The following SGCZ variants were observed in gnomAD, a reference collection of about 807,000 sequenced individuals.
SGCZ encodes sarcoglycan zeta, also known as zeta-sarcoglycan.
A neutral mutation model predicts 41.3 loss-of-function variants in SGCZ; 40 were observed. The ratio of observed to expected loss-of-function variants is 0.97; its 90% CI spans 0.75 to 1.26. The LOEUF (loss-of-function observed/expected upper bound fraction) is 1.26. SGCZ is among the 50% of genes most tolerant of loss of function. The pLI, the probability that SGCZ is intolerant of heterozygous loss-of-function variation, is 0.00. For synonymous variants in SGCZ, 206 were observed against 137.5 expected (o/e 1.50, Z -3.49); for missense variants, 552 against 369.8 (o/e 1.49, Z -4.04).
chr8:14,719,683 C>T (rs927433032), intron 1 of SGCZ, among the ~76,000 whole-genome samples: 47 of 151,794 alleles, frequency 3.1e-4, no homozygotes, highest in Middle Eastern at 3.4e-3. Context: ...TGTCCTTTGC[C>T]CACTTTTTGA....
chr8:14,796,390 A>G (rs1801130976), intron 1 of SGCZ, among the ~76,000 whole-genome samples: 3 of 151,918 alleles, frequency 2.0e-5, no homozygotes, highest in African/African-American at 7.3e-5. Flanking sequence ...AGTTGCTGGT[A>G]TTACAGGTGT....
At chr8:15,116,317 G>A (rs1360746395) in intron 1 of SGCZ, among the ~76,000 whole-genome samples, 1 of 152,152 alleles carries the variant, frequency 6.6e-6, no homozygotes, top group East Asian at 1.9e-4. Flanking sequence ...CATCAAATGG[G>A]TTATTATGAA....
At chr8:14,613,521 T>C (rs563966576) in intron 1 of SGCZ, among the ~76,000 whole-genome samples, 1 of 152,258 alleles carries the variant, frequency 6.6e-6, no homozygotes, top group African/African-American at 2.4e-5. Flanking sequence ...CTCTTGCAAA[T>C]AGTATTTTGT....
rs367743814 is a variant in SGCZ, at chr8:15,012,645, T to TATA, written c.39+224937_39+224939dup. Among the ~76,000 whole-genome samples, 7 of 120,868 alleles carry TATA rather than the reference T, an allele frequency of 5.8e-5. No homozygotes were observed. The East Asian group carries it at 1.5e-3, about 25-fold the overall frequency. The allele number at this position is 120,868 out of a possible 152,430, so 79.3% of individuals were successfully genotyped here. On this transcript the variant is annotated intron_variant, in intron 1 of 7. Coordinates refer to ENST00000382080, the MANE Select transcript of SGCZ (RefSeq NM_139167.4). ...TATATAATATATAAACATATAAAAC[T>TATA]ATATATAATATATAATATATATTTA... is the stretch of plus-strand genomic sequence containing the variant.
chr8:14,709,411 T>G (rs1809442009), intron 1 of SGCZ, among the ~76,000 whole-genome samples: 1 of 152,162 alleles, frequency 6.6e-6, no homozygotes, highest in Admixed American at 6.5e-5. Flanking sequence ...CAACAAACAT[T>G]TAATTTAGTC....
intron 2 of SGCZ, among the ~76,000 whole-genome samples, chr8:14,501,340 T>A (rs542988507): frequency 1.3e-5 from 2 of 152,080 alleles, no homozygotes; most frequent in Admixed American, 6.6e-5. Context: ...CATTTCCCTT[T>A]CGCCAAATAA....
chr8:15,025,752 GA>G (rs777949445), intron 1 of SGCZ, among the ~76,000 whole-genome samples: 6 of 152,110 alleles, frequency 3.9e-5, no homozygotes, highest in Non-Finnish European at 8.8e-5. Context: ...TATGAGATTG[GA>G]AATTAGTGAG....
intron 2 of SGCZ, among the ~76,000 whole-genome samples, chr8:14,344,879 T>C (rs1308497518): frequency 6.6e-6 from 1 of 152,016 alleles, no homozygotes; most frequent in East Asian, 1.9e-4. Flanking sequence ...GAACGTGAAG[T>C]AATGAGAATT....
intron 1 of SGCZ, among the ~76,000 whole-genome samples, chr8:14,961,177 A>C (rs1800954358): frequency 6.6e-6 from 1 of 152,124 alleles, no homozygotes; most frequent in Admixed American, 6.6e-5. Flanking sequence ...GAGCTTAAAC[A>C]ATCTGCTGAC....
intron 3 of SGCZ, among the ~76,000 whole-genome samples, chr8:14,280,717 G>A (rs1368036700): frequency 6.6e-6 from 1 of 151,180 alleles, no homozygotes; most frequent in Non-Finnish European, 1.5e-5. Context: ...AATTGACTTT[G>A]GACATCTTTC....
At chr8:15,151,117 G>A (rs1213549648) in intron 1 of SGCZ, among the ~76,000 whole-genome samples, 1 of 152,206 alleles carries the variant, frequency 6.6e-6, no homozygotes, top group Non-Finnish European at 1.5e-5. Context: ...TCGGAGGATG[G>A]AGGCTGTCTA....
chr8:14,316,465 G>A lies in SGCZ; in HGVS notation c.336+7638C>T, dbSNP rs6990042. ...TACAAATATGTGAAAAAACATAATAGGCCTGACTCAACTGTAATTTACATG... is the reference window on the plus strand; with the variant it reads ...TACAAATATGTGAAAAAACATAATAAGCCTGACTCAACTGTAATTTACATG... On this transcript the variant is annotated intron_variant, in intron 3 of 7. Transcript: ENST00000382080. 5.3e-5 allele frequency among the ~76,000 whole-genome samples: 8 copies of A among 151,602 alleles called. 1 individual carries two copies. In the Middle Eastern group the frequency reaches 0.014, roughly 258 times the overall value.
chr8:14,254,523 G>A (rs576393384), intron 3 of SGCZ, among the ~76,000 whole-genome samples: 20 of 152,038 alleles, frequency 1.3e-4, no homozygotes, highest in Non-Finnish European at 2.4e-4. Flanking sequence ...AATGAATAGT[G>A]TTAAAAAAGA....
chr8:15,233,329 C>CAAAAA (rs967747755), intron 1 of SGCZ, among the ~76,000 whole-genome samples: 1 of 65,700 alleles, frequency 1.5e-5, no homozygotes, highest in Non-Finnish European at 3.4e-5. Context: ...TTAAACAAAC[C>CAAAAA]AAAAAAAAAA....
Position 15,097,896 on chromosome 8 carries a change from ATATATATATATATACGTGTG to A in SGCZ, c.39+139669_39+139688del, listed in dbSNP as rs1563124191. ...TATATATATATACGTGTGTATATAT[ATATATATATATATACGTGTG>A]TATATATATATATATACATACATAC... is the stretch of plus-strand genomic sequence containing the variant. On this transcript the variant is annotated intron_variant, in intron 1 of 7. Transcript: ENST00000382080. Among the ~76,000 whole-genome samples the A allele has an allele frequency of 2.5e-3, 262 of 103,888 alleles. 8 individuals carry two copies. Among genetic ancestry groups the A allele is most frequent in the Middle Eastern group, 0.023 (4 of 172 alleles). The allele number at this position is 103,888 out of a possible 152,430, so 68.2% of individuals were successfully genotyped here. A position where few individuals can be genotyped will look rare whatever the true frequency, so the allele number is the denominator to read the frequency against.
At chr8:14,100,925 A>T (rs1437658818) in intron 7 of SGCZ, among the ~76,000 whole-genome samples, 6 of 152,074 alleles carry the variant, frequency 3.9e-5, no homozygotes, top group African/African-American at 1.4e-4. Flanking sequence ...AAAACGATAA[A>T]TAACACAAGA....
At chr8:15,218,254 A>G (rs1050738193) in intron 1 of SGCZ, among the ~76,000 whole-genome samples, 2 of 152,182 alleles carry the variant, frequency 1.3e-5, no homozygotes, top group African/African-American at 4.8e-5. Flanking sequence ...ATACAAAGAG[A>G]TGGAAGAGTT....
At chr8:14,687,115 G>A (rs111535733) in intron 1 of SGCZ, among the ~76,000 whole-genome samples, 1,800 of 148,274 alleles carry the variant, frequency 0.012, 27 homozygotes, top group Middle Eastern at 0.032. Context: ...ATGTAATTAT[G>A]AAACCTTAAC....
chr8:14,702,188 C>G (rs1220488995), intron 1 of SGCZ, among the ~76,000 whole-genome samples: 1 of 152,024 alleles, frequency 6.6e-6, no homozygotes, highest in Non-Finnish European at 1.5e-5. Context: ...TGACAGTTTT[C>G]TTTCAACTTT....
Sources: gnomAD v4.1 joint callset for allele counts (sites outside exome capture counted in the v4.1 genomes callset) on GRCh38, gnomAD v4.1.1 for gene constraint, MANE v1.5 for transcripts, NCBI Gene and HGNC (gene_info 2026-07-23, HGNC 2026-07-21) for gene names.